Variants in ITGA1 observed in about 807,000 individuals in gnomAD.
The protein encoded by ITGA1 is integrin subunit alpha 1, also known as integrin alpha-1.
In ITGA1, 85 loss-of-function variants were observed where a neutral mutation model predicts 145.9. That is an observed-to-expected ratio of 0.58 (90% CI 0.49 to 0.70). ITGA1 has a LOEUF of 0.70. ITGA1 is among the 30% of genes least tolerant of loss of function. ITGA1 has a pLI of 0.00. For synonymous variants in ITGA1, 520 were observed against 495.3 expected, an observed-to-expected ratio of 1.05 and a Z score of -0.66; for missense variants, 1,351 against 1,418.7, an observed-to-expected ratio of 0.95 and a Z score of 0.77.
intron 8 of ITGA1, among the ~76,000 whole-genome samples, chr5:52,893,204 T>A (rs1437235880): frequency 6.6e-6 from 1 of 152,172 alleles, no homozygotes; most frequent in Non-Finnish European, 1.5e-5. Flanking sequence ...GTCCAGTATG[T>A]GTTTAAAATA....
intron 17 of ITGA1, among the ~76,000 whole-genome samples, 180 bp from the exon 18 acceptor site, chr5:52,922,597 C>T: frequency 6.6e-6 from 1 of 152,158 alleles, no homozygotes; most frequent in East Asian, 1.9e-4. Flanking sequence ...CCCTATGCCC[C>T]TTGTCAGAAT....
chr5:52,905,832 A>G lies in ITGA1; in HGVS notation c.1379A>G (p.Asn460Ser), dbSNP rs1378625460. 1 of 1,613,814 alleles carries G rather than the reference A, an allele frequency of 6.2e-7. No homozygotes were observed. Among genetic ancestry groups the G allele is most frequent in the East Asian group, 2.2e-5 (1 of 44,852 alleles). The change falls in exon 12 of 29, where the codon AAT (asparagine) becomes AGT (serine). Residue 460 changes from asparagine (N) to serine (S), a missense_variant. Coordinates refer to ENST00000282588, the MANE Select transcript of ITGA1 (RefSeq NM_181501.2). ...TATATTGCTGGACAGCCTCGGTACA[A>G]TCATACAGGCCAGGTCATTATCTAC... ...VLYIAGQPRY[N>S]HTGQVIIYRM...
At chr5:52,842,826 CA>C (rs1214863452) in intron 1 of ITGA1, among the ~76,000 whole-genome samples, 15 of 151,978 alleles carry the variant, frequency 9.9e-5, no homozygotes, top group Admixed American at 9.8e-4. Context: ...GCTGGGACTA[CA>C]GGTGTGCACC....
Position 52,788,123 on chromosome 5 carries a change from C to A in ITGA1, c.-231C>A, listed in dbSNP as rs1243499348. 2 of 432,250 alleles carry A rather than the reference C, an allele frequency of 4.6e-6. No individual in the cohort carries two copies. The highest frequency in any genetic ancestry group is 8.2e-6 in the Non-Finnish European group (2 of 242,948). 26.8% of individuals were successfully genotyped at this position (432,250 alleles called of 1,614,324 possible). ...TTCAGAGACCAAGAGCGCGAAGGGG[C>A]GGGCGATGTGGCAATCCGTCTGGGA... is the stretch of plus-strand genomic sequence containing the variant. On this transcript the variant is annotated 5_prime_UTR_variant, in exon 1 of 29. Coordinates refer to ENST00000282588, the MANE Select transcript of ITGA1 (RefSeq NM_181501.2).
At chr5:52,788,448 C>A in intron 1 of ITGA1, 34 bp downstream of exon 1, 4 of 1,463,980 alleles carry the variant, frequency 2.7e-6, no homozygotes, top group South Asian at 1.3e-5. Context: ...GCATCTCCTG[C>A]TCGCGGGCTT....
At chr5:52,804,364 A>G (rs916838814) in intron 1 of ITGA1, among the ~76,000 whole-genome samples, 1 of 152,216 alleles carries the variant, frequency 6.6e-6, no homozygotes, top group Non-Finnish European at 1.5e-5. Flanking sequence ...TCATTTTGCT[A>G]TAGCTACGAT....
intron 11 of ITGA1, 106 bp from the exon 12 acceptor site, chr5:52,905,657 A>C: frequency 1.1e-6 from 1 of 946,520 alleles, no homozygotes. Context: ...TTTTCAAAAT[A>C]TAACCATATA....
intron 7 of ITGA1, among the ~76,000 whole-genome samples, chr5:52,883,588 A>T (rs572659441): frequency 6.6e-6 from 1 of 152,262 alleles, no homozygotes; most frequent in East Asian, 1.9e-4. Context: ...ATATTTTTAG[A>T]ATTCTTTACC....
In ITGA1 at chr5:52,816,884, A is replaced by G. The variant is rs13436120; in HGVS notation, c.61+28470A>G. Among the ~76,000 whole-genome samples the G allele has an allele frequency of 6.7e-3, 1,019 of 152,338 alleles. 12 individuals carry two copies. The highest frequency in any genetic ancestry group is 0.023 in the African/African-American group (970 of 41,588). ...ATAAAAGTCTGTCTGTATTATGACT[A>G]GCTACAACAGGTGGGGGTTTTCTTT... is the stretch of plus-strand genomic sequence containing the variant. On this transcript the variant is annotated intron_variant, in intron 1 of 28. Coordinates refer to ENST00000282588, the MANE Select transcript of ITGA1 (RefSeq NM_181501.2).
Position 52,791,728 on chromosome 5 carries a change from TTC to T in ITGA1, c.61+3316_61+3317del, listed in dbSNP as rs530100924. Among the ~76,000 whole-genome samples, 447 of 98,104 alleles carry T rather than the reference TTC, an allele frequency of 4.6e-3. 5 individuals carry two copies. Among genetic ancestry groups the T allele is most frequent in the African/African-American group, 0.016 (414 of 25,588 alleles). 64.4% of individuals were successfully genotyped at this position (98,104 alleles called of 152,430 possible). Reference sequence around the variant, plus strand: ...TCACAAGCAGTCACAGATTTCTTTGTTCTTTTTTCACTCCCTCAGCTTGTTGA... The same window carrying T: ...TCACAAGCAGTCACAGATTTCTTTGTTTTTTTCACTCCCTCAGCTTGTTGA... On this transcript the variant is annotated intron_variant, in intron 1 of 28. Transcript: ENST00000282588.
chr5:52,947,288 T>C (rs970490361), intron 27 of ITGA1, 57 bp from the exon 28 acceptor site: 18 of 1,000,838 alleles, frequency 1.8e-5, no homozygotes, highest in Non-Finnish European at 2.9e-5. Context: ...GAACTCAATG[T>C]TCCAGGAGTT....
chr5:52,834,558 G>GA (rs1561222366), intron 1 of ITGA1, among the ~76,000 whole-genome samples: 10 of 84,722 alleles, frequency 1.2e-4, no homozygotes, highest in Admixed American at 2.0e-4. Flanking sequence ...GAGAAAGAGA[G>GA]AGAGAAAGAG....
At chr5:52,868,910 T>C (rs946942806) in intron 6 of ITGA1, among the ~76,000 whole-genome samples, 1 of 152,208 alleles carries the variant, frequency 6.6e-6, no homozygotes, top group Non-Finnish European at 1.5e-5. Context: ...TATTCAGATG[T>C]ATGTACTAAG....
intron 7 of ITGA1, among the ~76,000 whole-genome samples, chr5:52,884,891 A>G (rs1199483824): frequency 6.6e-6 from 1 of 152,140 alleles, no homozygotes; most frequent in Non-Finnish European, 1.5e-5. Flanking sequence ...CAAACCTCCC[A>G]CAGATTAACG....
chr5:52,845,138 C>T (rs970796818), intron 1 of ITGA1, among the ~76,000 whole-genome samples: 6 of 151,998 alleles, frequency 3.9e-5, no homozygotes, highest in African/African-American at 1.5e-4. Flanking sequence ...AAATAAACAG[C>T]CCCAAAAAGG....
At position 52,848,062 on chromosome 5, in the gene ITGA1, GC is replaced by G; in HGVS notation, c.62-1301del. On this transcript the variant is annotated intron_variant, in intron 1 of 28. Transcript: ENST00000282588. Reference sequence around the variant, plus strand: ...AACCCTCATCAAATATGTAGTATGTGCCAGGCACTGGGTAGACCCTTTAGAT... The same window carrying G: ...AACCCTCATCAAATATGTAGTATGTGCAGGCACTGGGTAGACCCTTTAGAT... Among the ~76,000 whole-genome samples the G allele has an allele frequency of 2.6e-5, 4 of 152,324 alleles. 1 individual carries two copies. Among genetic ancestry groups the G allele is most frequent in the African/African-American group, 9.6e-5 (4 of 41,584 alleles).
intron 9 of ITGA1, 25 bp from the exon 10 acceptor site, chr5:52,897,430 A>G: frequency 6.6e-7 from 1 of 1,511,674 alleles, no homozygotes; most frequent in Non-Finnish European, 9.2e-7. Context: ...TTACTTATTT[A>G]CAGTGATATT....
intron 1 of ITGA1, among the ~76,000 whole-genome samples, chr5:52,791,388 G>A (rs1748236000): frequency 6.6e-6 from 1 of 152,124 alleles, no homozygotes; most frequent in Non-Finnish European, 1.5e-5. Context: ...CTCTAGTTAT[G>A]GGAGGGTGGC....
chr5:52,898,472 A>C, intron 11 of ITGA1, 89 bp downstream of exon 11: 1 of 1,157,676 alleles, frequency 8.6e-7, no homozygotes, highest in East Asian at 2.4e-5. Context: ...ATAGGCTTGC[A>C]ACCATATAGC....
Sources: gnomAD v4.1 joint callset for allele counts (sites outside exome capture counted in the v4.1 genomes callset) on GRCh38, gnomAD v4.1.1 for gene constraint, MANE v1.5 for transcripts, NCBI Gene and HGNC (gene_info 2026-07-23, HGNC 2026-07-21) for gene names.